HOMEZ: variants seen among roughly 807,000 people sequenced by gnomAD.
HOMEZ encodes homeobox and leucine zipper encoding, also known as homeobox and leucine zipper protein Homez.
Under a neutral mutation model 50.1 loss-of-function variants are expected in HOMEZ, and 20 were observed. The observed-to-expected ratio is 0.40, with a 90% confidence interval of 0.28 to 0.58. The LOEUF (loss-of-function observed/expected upper bound fraction) is 0.58. HOMEZ is among the 20% of genes least tolerant of loss of function. The pLI is 0.46. For missense variants in HOMEZ, 579 were observed against 680.5 expected (o/e 0.85, Z 1.66); for synonymous variants, 239 against 254.7 (o/e 0.94, Z 0.59).
In HOMEZ at chr14:23,276,341, G is replaced by A; in HGVS notation, c.887C>T (p.Ala296Val). ...SSTSSSFQVL[A>V]NGATAASKPL... ...TTTAGAGGCGGCAGTAGCTCCATTA[G>A]CCAGTACCTGGAAAGAAGAAGAGGT... The change falls in exon 2 of 2, where the codon GCT becomes GTT. Residue 296 changes from alanine to valine, a missense_variant. Coordinates refer to ENST00000357460, the MANE Select transcript of HOMEZ (RefSeq NM_020834.3). This position sits in a 1 kb window ranked among gnomAD's most constrained non-coding sequence, Gnocchi z 4.1. 6.2e-7 allele frequency: 1 copy of A among 1,613,944 alleles called. No homozygotes were observed. Among genetic ancestry groups the A allele is most frequent in the Middle Eastern group, 1.6e-4 (1 of 6,062 alleles).
intron 1 of HOMEZ, among the ~76,000 whole-genome samples, chr14:23,280,706 T>TATC (rs1334453353): frequency 1.2e-5 from 1 of 81,810 alleles, no homozygotes. Context: ...TTTTTATATT[T>TATC]TTATTTTTAT....
Position 23,272,740 on chromosome 14 carries a change from C to A in HOMEZ, c.*2835G>T. On this transcript the variant is annotated 3_prime_UTR_variant, in exon 2 of 2. Coordinates refer to ENST00000357460, the MANE Select transcript of HOMEZ (RefSeq NM_020834.3). ...AAGCAGTGGTGTCTGTCTCGATAAGCTTCATACAACAGGTCAGAGAGACTT... is the reference window on the plus strand; with the variant it reads ...AAGCAGTGGTGTCTGTCTCGATAAGATTCATACAACAGGTCAGAGAGACTT... 2 of 846,050 alleles carry A rather than the reference C, an allele frequency of 2.4e-6. No individual in the cohort carries two copies. The highest frequency in any genetic ancestry group is 3.9e-6 in the Non-Finnish European group (2 of 508,244). 52.4% of individuals were successfully genotyped at this position (846,050 alleles called of 1,614,324 possible). A position where few individuals can be genotyped will look rare whatever the true frequency, so the allele number is the denominator to read the frequency against.
At position 23,276,557 on chromosome 14, in the gene HOMEZ, TGAA is replaced by T; in HGVS notation, c.668_670del (p.Leu223del). 1 of 1,614,002 alleles carries T rather than the reference TGAA, an allele frequency of 6.2e-7. No individual in the cohort carries two copies. Among genetic ancestry groups the T allele is most frequent in the Non-Finnish European group, 8.5e-7 (1 of 1,179,872 alleles). ...CTGCTCCTTTGAGAGGCCACTGCTT[TGAA>T]GATGTTGCCAAAAATCTGATTGGTA... is the stretch of plus-strand genomic sequence containing the variant. On this transcript the variant is annotated inframe_deletion, in exon 2 of 2. Transcript: ENST00000357460. The surrounding 1 kb of genome is among the most constrained non-coding windows in gnomAD (Gnocchi z 4.1).
At position 23,286,090 on chromosome 14, in the gene HOMEZ, G is replaced by A. The variant is rs1886659776; in HGVS notation, c.-138C>T. 12 of 1,230,256 alleles carry A rather than the reference G, an allele frequency of 9.8e-6. No homozygotes were observed. The highest frequency in any genetic ancestry group is 4.1e-6 in the Non-Finnish European group (4 of 987,062). 76.2% of individuals were successfully genotyped at this position (1,230,256 alleles called of 1,614,324 possible). A position where few individuals can be genotyped will look rare whatever the true frequency, so the allele number is the denominator to read the frequency against. On this transcript the variant is annotated 5_prime_UTR_variant, in exon 1 of 2. Coordinates refer to ENST00000357460, the MANE Select transcript of HOMEZ (RefSeq NM_020834.3). The stretch of plus-strand genomic sequence containing the variant: ...CCCCCACCGTCCCCGGGAGCGCGCC[G>A]GTCTACCCAGCCCTGCTCGAGCAAG...
chr14:23,283,139 G>C (rs1426792748), intron 1 of HOMEZ, among the ~76,000 whole-genome samples: 2 of 152,218 alleles, frequency 1.3e-5, no homozygotes, highest in East Asian at 3.8e-4. Flanking sequence ...CGCAGAGGAG[G>C]TAGTGGTGGT....
rs373451865 is a variant in HOMEZ, at chr14:23,275,962, G to T, written c.1266C>A (p.Asn422Lys). 1 of 1,612,806 alleles carries T rather than the reference G, an allele frequency of 6.2e-7. No individual in the cohort carries two copies. Among genetic ancestry groups the T allele is most frequent in the South Asian group, 1.1e-5 (1 of 90,888 alleles). The change falls in exon 2 of 2, where the codon AAC becomes AAA. Residue 422 changes from asparagine to lysine, a missense_variant. Coordinates refer to ENST00000357460, the MANE Select transcript of HOMEZ (RefSeq NM_020834.3). Reference sequence around the variant, plus strand: ...GGAAACTAGGGGCACCAGGTACTGCGTTGTCCCGAAACCACTTTAGTTGCC... The same window carrying T: ...GGAAACTAGGGGCACCAGGTACTGCTTTGTCCCGAAACCACTTTAGTTGCC... ...KHGQLKWFRD[N>K]AVPGAPSFQD...
rs1566446721 is a variant in HOMEZ, at chr14:23,273,388, CCTTTCTATTGAAAACA to C, written c.*2171_*2186del. 4 of 152,280 alleles carry C rather than the reference CCTTTCTATTGAAAACA, an allele frequency of 2.6e-5. No homozygotes were observed. The highest frequency in any genetic ancestry group is 9.7e-5 in the African/African-American group (4 of 41,386). 9.4% of individuals were successfully genotyped at this position (152,280 alleles called of 1,614,324 possible). Reference sequence around the variant, plus strand: ...TTAGTTACTATTAAATGTTAATTTTCCTTTCTATTGAAAACAACTGTTGGAGACACTGATTTTCAGC... The same window carrying C: ...TTAGTTACTATTAAATGTTAATTTTCACTGTTGGAGACACTGATTTTCAGC... On this transcript the variant is annotated 3_prime_UTR_variant, in exon 2 of 2. Coordinates refer to ENST00000357460, the MANE Select transcript of HOMEZ (RefSeq NM_020834.3).
intron 1 of HOMEZ, among the ~76,000 whole-genome samples, chr14:23,284,078 G>T (rs932492955): frequency 1.3e-5 from 2 of 152,104 alleles, no homozygotes; most frequent in African/African-American, 4.8e-5. Context: ...GAACCTCTTT[G>T]AGAATCAGAC....
chr14:23,284,043 T>C (rs976863501), intron 1 of HOMEZ, among the ~76,000 whole-genome samples: 2 of 152,226 alleles, frequency 1.3e-5, no homozygotes, highest in Non-Finnish European at 2.9e-5. Context: ...ATTCAGCTTA[T>C]ATGCTTCTTA....
rs748246312 is a variant in HOMEZ at position 23,275,871 on chromosome 14, G to A, written c.1357C>T (p.Pro453Ser). The A allele has an allele frequency of 1.3e-6, 2 of 1,598,944 alleles. No homozygotes were observed. The change falls in exon 2 of 2, where the codon CCT becomes TCT. Residue 453 changes from proline to serine, a missense_variant. By Grantham distance (74) the Pro-to-Ser change is moderately conservative (BLOSUM62 -1). Coordinates refer to ENST00000357460, the MANE Select transcript of HOMEZ (RefSeq NM_020834.3). ...GGTGGGGGTGGAGGGATCGGCAGAG[G>A]TGGTGTCTCAGCCCTTTCGTTCAAG... ...RSLNERAETP[P>S]LPIPPPPPDI...
rs1291427293 is a variant in HOMEZ, at chr14:23,272,964, T to C, written c.*2611A>G. On this transcript the variant is annotated 3_prime_UTR_variant, in exon 2 of 2. Transcript: ENST00000357460. ...AGCTTCCAGTACGCATTAGGGGTGATGGCCCTGGAAAATGTATCCCTGCAT... is the reference window on the plus strand; with the variant it reads ...AGCTTCCAGTACGCATTAGGGGTGACGGCCCTGGAAAATGTATCCCTGCAT... 2 of 829,724 alleles carry C rather than the reference T, an allele frequency of 2.4e-6. No individual in the cohort carries two copies. Among genetic ancestry groups the C allele is most frequent in the East Asian group, 5.8e-5 (2 of 34,546 alleles). 51.4% of individuals were successfully genotyped at this position (829,724 alleles called of 1,614,324 possible).
rs915440603 is a variant in HOMEZ, at chr14:23,272,707, G to C, written c.*2868C>G. On this transcript the variant is annotated 3_prime_UTR_variant, in exon 2 of 2. Coordinates refer to ENST00000357460, the MANE Select transcript of HOMEZ (RefSeq NM_020834.3). ...TATCATGCAATGAAGAAAACTATGG[G>C]GAAGCAAAAGCAGTGGTGTCTGTCT... 8 of 713,588 alleles carry C rather than the reference G, an allele frequency of 1.1e-5. No homozygotes were observed. The highest frequency in any genetic ancestry group is 1.1e-4 in the African/African-American group (6 of 56,420). The allele number at this position is 713,588 out of a possible 1,614,324, so 44.2% of individuals were successfully genotyped here. A position where few individuals can be genotyped will look rare whatever the true frequency, so the allele number is the denominator to read the frequency against.
intron 1 of HOMEZ, among the ~76,000 whole-genome samples, chr14:23,279,499 C>T (rs962264040): frequency 1.3e-5 from 2 of 151,958 alleles, no homozygotes; most frequent in African/African-American, 2.4e-5. Flanking sequence ...AGCAGGAAAT[C>T]GGAAGGAGTC....
intron 1 of HOMEZ, among the ~76,000 whole-genome samples, chr14:23,280,386 G>A (rs10144278): frequency 0.37 from 56,138 of 151,896 alleles, 11,261 homozygotes; most frequent in Middle Eastern, 0.5. Flanking sequence ...TCCACACAGG[G>A]CAGAAGGTCT....
Position 23,277,049 on chromosome 14 carries a change from T to A in HOMEZ, c.179A>T (p.Gln60Leu), listed in dbSNP as rs1350818239. The A allele has an allele frequency of 6.2e-7, 1 of 1,613,936 alleles. No homozygotes were observed. The highest frequency in any genetic ancestry group is 8.5e-7 in the Non-Finnish European group (1 of 1,179,916). ...TTCATTGCTGTCTAGCTCACTGGTC[T>A]GGGCTGCTTGCGTCCACACAAGCTG... is the stretch of plus-strand genomic sequence containing the variant. ...ELQLVWTQAA[Q>L]TSELDSNEHL... is the part of the protein sequence containing the mutation. Residue 60 changes from glutamine (Q) to leucine (L), a missense_variant, in exon 2 of 2, where the codon CAG becomes CTG. Transcript: ENST00000357460.
At chr14:23,278,454 C>T (rs1156788587) in intron 1 of HOMEZ, among the ~76,000 whole-genome samples, 1 of 152,056 alleles carries the variant, frequency 6.6e-6, no homozygotes, top group African/African-American at 2.4e-5. Flanking sequence ...CAGCTTTGAA[C>T]TCTTAGGCTC....
At chr14:23,280,740 A>ATTTTATTTTAATTTTATT (rs35341745) in intron 1 of HOMEZ, among the ~76,000 whole-genome samples, 7 of 41,266 alleles carry the variant, frequency 1.7e-4, no homozygotes, top group African/African-American at 5.5e-4. Flanking sequence ...ATTTTATTTT[A>ATTTTATTTTAATTTTATT]TTATTTTATT....
Position 23,272,875 on chromosome 14 carries a change from G to T in HOMEZ, c.*2700C>A. The T allele has an allele frequency of 6.5e-7, 1 of 1,543,180 alleles. No homozygotes were observed. Among genetic ancestry groups the T allele is most frequent in the Non-Finnish European group, 8.8e-7 (1 of 1,141,316 alleles). Reference sequence around the variant, plus strand: ...GGATTACCCAGTGGGAGAGAAGCATGGACCACTTCTAGATAGATCATCTTC... The same window carrying T: ...GGATTACCCAGTGGGAGAGAAGCATTGACCACTTCTAGATAGATCATCTTC... On this transcript the variant is annotated 3_prime_UTR_variant, in exon 2 of 2. Coordinates refer to ENST00000357460, the MANE Select transcript of HOMEZ (RefSeq NM_020834.3).
At position 23,275,235 on chromosome 14, in the gene HOMEZ, C is replaced by T. The variant is rs1430952196; in HGVS notation, c.*340G>A. The T allele has an allele frequency of 8.2e-6, 2 of 245,354 alleles. No homozygotes were observed. The highest frequency in any genetic ancestry group is 1.5e-5 in the Non-Finnish European group (2 of 129,408). The allele number at this position is 245,354 out of a possible 1,614,324, so 15.2% of individuals were successfully genotyped here. A position where few individuals can be genotyped will look rare whatever the true frequency, so the allele number is the denominator to read the frequency against. ...TCCAATCCTCCTGGAGAGGTGGTGCCAACATCTGGCCTCTGTATAGTACAC... is the reference window on the plus strand; with the variant it reads ...TCCAATCCTCCTGGAGAGGTGGTGCTAACATCTGGCCTCTGTATAGTACAC... On this transcript the variant is annotated 3_prime_UTR_variant, in exon 2 of 2. Coordinates refer to ENST00000357460, the MANE Select transcript of HOMEZ (RefSeq NM_020834.3).
Sources: gnomAD v4.1 joint callset for allele counts (sites outside exome capture counted in the v4.1 genomes callset) on GRCh38, gnomAD v4.1.1 for gene constraint, Gnocchi (gnomAD v3.1) non-coding constraint, MANE v1.5 for transcripts, NCBI Gene and HGNC (gene_info 2026-07-23, HGNC 2026-07-21) for gene names.